The following GPAT2 variants were observed in gnomAD, a reference collection of about 807,000 sequenced individuals.
GPAT2 encodes glycerol-3-phosphate acyltransferase 2, mitochondrial, also known as 1-acylglycerol-3-phosphate O-acyltransferase GPAT2.
GPAT2 carries 51 observed loss-of-function variants against 71.0 expected under a neutral mutation model. The ratio of observed to expected loss-of-function variants is 0.72; its 90% CI spans 0.57 to 0.91. The LOEUF is 0.91. GPAT2 is among the 40% of genes least tolerant of loss of function. The pLI is 0.00. For missense variants in GPAT2, 511 were observed against 666.0 expected, an observed-to-expected ratio of 0.77 and a Z score of 2.56; for synonymous variants, 222 against 290.3, an observed-to-expected ratio of 0.76 and a Z score of 2.39.
At position 96,025,503 on chromosome 2, in the gene GPAT2, T is replaced by C. The variant is rs1369668934; in HGVS notation, c.1339A>G (p.Ser447Gly). ...EEDQLLVRRL[S>G]CHVLSASVGS... ...CCCTCACCACTCAGGACATGACAGCTCAGTCTCCTGACCAGGAGCTGGTCC... is the reference window on the plus strand; with the variant it reads ...CCCTCACCACTCAGGACATGACAGCCCAGTCTCCTGACCAGGAGCTGGTCC... The change falls in exon 13 of 22, where the codon AGC becomes GGC. Residue 447 changes from serine (S) to glycine (G), a missense_variant. Around this residue, in one of 7 missense-constraint regions of GPAT2, gnomAD observed 4 missense variants for 19.1 expected, o/e 0.21. Coordinates refer to ENST00000434632, the MANE Select transcript of GPAT2 (RefSeq NM_001321527.2). The C allele has an allele frequency of 1.9e-6, 3 of 1,574,330 alleles. No individual in the cohort carries two copies. Among genetic ancestry groups the C allele is most frequent in the Non-Finnish European group, 2.6e-6 (3 of 1,160,096 alleles).
chr2:96,024,906 T>A (rs1680223968), intron 13 of GPAT2, 63 bp from the exon 14 acceptor site: 5 of 1,579,336 alleles, frequency 3.2e-6, no homozygotes, highest in Non-Finnish European at 4.3e-6. Flanking sequence ...GGTCCCTCCA[T>A]GATCTAGCAA....
intron 1 of GPAT2, among the ~76,000 whole-genome samples, chr2:96,034,025 TATACATATATA>T (rs1421670801): frequency 1.3e-5 from 2 of 151,572 alleles, no homozygotes; most frequent in African/African-American, 2.4e-5. Flanking sequence ...CACACACATA[TATACATATATA>T]ATACATATAT....
At chr2:96,025,004 G>C (rs895325575) in intron 13 of GPAT2, 161 bp from the exon 14 acceptor site, 2 of 815,446 alleles carry the variant, frequency 2.5e-6, no homozygotes, top group African/African-American at 1.7e-5. Context: ...CAGGCTGAGA[G>C]CAGGCCAGGA....
At position 96,024,247 on chromosome 2, in the gene GPAT2, A is replaced by G; in HGVS notation, c.1778T>C (p.Leu593Pro). ...CATCAGCAGCAGGATCTGGCGGTACAGCTCATTCTGGCTCAGCAGCAATAT... is the reference window on the plus strand; with the variant it reads ...CATCAGCAGCAGGATCTGGCGGTACGGCTCATTCTGGCTCAGCAGCAATAT... Reference protein sequence around the residue: ...QGILLLSQNELYRQILLLMHL... With the variant: ...QGILLLSQNEPYRQILLLMHL... Residue 593 changes from leucine to proline, a missense_variant, in exon 16 of 22, where the codon CTG becomes CCG. This residue lies in a region of GPAT2 where 295 missense variants were observed against 305.5 expected (regional missense o/e 0.97). Transcript: ENST00000434632. 6.4e-7 allele frequency: 1 copy of G among 1,554,028 alleles called. No homozygotes were observed. Among genetic ancestry groups the G allele is most frequent in the Non-Finnish European group, 8.7e-7 (1 of 1,146,634 alleles).
chr2:96,022,108 C>T lies in GPAT2; in HGVS notation c.*51G>A, dbSNP rs376642852. The T allele has an allele frequency of 1.1e-4, 173 of 1,594,740 alleles. No individual in the cohort carries two copies. The African/African-American group carries it at 1.9e-3, about 18-fold the overall frequency. On this transcript the variant is annotated 3_prime_UTR_variant, in exon 22 of 22. Transcript: ENST00000434632. Reference sequence around the variant, plus strand: ...CTCTCCATCTTCTGGCTCTAGGACACAGCTGTGTTCTGGGGCTGAGAAGTC... The same window carrying T: ...CTCTCCATCTTCTGGCTCTAGGACATAGCTGTGTTCTGGGGCTGAGAAGTC...
In GPAT2 at chr2:96,025,326, T is replaced by A; in HGVS notation, c.1357+159A>T. 4 of 1,003,734 alleles carry A rather than the reference T, an allele frequency of 4.0e-6. No homozygotes were observed. In the South Asian group the frequency reaches 7.7e-5, roughly 19 times the overall value. The allele number at this position is 1,003,734 out of a possible 1,614,324, so 62.2% of individuals were successfully genotyped here. A position where few individuals can be genotyped will look rare whatever the true frequency, so the allele number is the denominator to read the frequency against. ...GATGGCCCTGGCTGCCTGCTCCTCC[T>A]GTAGGAGAAGGGTTCCATTCTTCTT... On this transcript the variant is annotated intron_variant, in intron 13 of 21. Coordinates refer to ENST00000434632, the MANE Select transcript of GPAT2 (RefSeq NM_001321527.2).
chr2:96,034,054 TAC>T (rs1292120936), intron 1 of GPAT2, among the ~76,000 whole-genome samples: 19 of 150,916 alleles, frequency 1.3e-4, no homozygotes, highest in African/African-American at 3.1e-4. Flanking sequence ...TATACATATA[TAC>T]ACACACATAT....
At position 96,022,378 on chromosome 2, in the gene GPAT2, G is replaced by A. The variant is rs1240826316; in HGVS notation, c.2290-103C>T. 9 of 1,353,210 alleles carry A rather than the reference G, an allele frequency of 6.7e-6. No homozygotes were observed. The African/African-American group carries it at 1.2e-4, about 18-fold the overall frequency. 83.8% of individuals were successfully genotyped at this position (1,353,210 alleles called of 1,614,324 possible). On this transcript the variant is annotated intron_variant, in intron 21 of 21. Transcript: ENST00000434632. ...CCCAGAAACCTGCCTTGAGACCTCTGGCCCCTTAGACCTCAATGTTTGCGT... is the reference window on the plus strand; with the variant it reads ...CCCAGAAACCTGCCTTGAGACCTCTAGCCCCTTAGACCTCAATGTTTGCGT...
chr2:96,024,345 C>A lies in GPAT2; in HGVS notation c.1688-8G>T, dbSNP rs530415286. The A allele has an allele frequency of 1.1e-5, 18 of 1,594,532 alleles. No homozygotes were observed. Among genetic ancestry groups the A allele is most frequent in the Non-Finnish European group, 1.5e-5 (18 of 1,167,634 alleles). On this transcript the variant is annotated splice_region_variant and splice_polypyrimidine_tract_variant and intron_variant, in intron 15 of 21. Transcript: ENST00000434632. ...GCCCCCGCACTGCACAGGCTGGGGG[C>A]GGAGGGTCCATTATGAAGAAGGAGC...
At chr2:96,034,280 G>GCCACT (rs1490993138) in intron 1 of GPAT2, among the ~76,000 whole-genome samples, 4 of 95,076 alleles carry the variant, frequency 4.2e-5, no homozygotes, top group Admixed American at 1.2e-4. Flanking sequence ...TCAGCTGGCC[G>GCCACT]CCACTGTCCC....
Position 96,022,240 on chromosome 2 carries a change from C to T in GPAT2, c.2325G>A (p.Arg775=), listed in dbSNP as rs770128869. The T allele has an allele frequency of 8.7e-6, 14 of 1,607,674 alleles. No individual in the cohort carries two copies. Among genetic ancestry groups the T allele is most frequent in the Non-Finnish European group, 1.2e-5 (14 of 1,177,400 alleles). The change falls in exon 22 of 22, where the codon AGG becomes AGA. Residue 775 remains arginine, a synonymous_variant. Transcript: ENST00000434632. ...TGGCAAAAGTAGGGGACAGGTGGAG[C>T]CTGGGGCCTGCAGGGCTCGGCGTCT... ...LQQTPSPAGP[R]LHLSPTFASL...
At position 96,024,520 on chromosome 2, in the gene GPAT2, AG is replaced by A. The variant is rs1306902038; in HGVS notation, c.1593del (p.Leu532CysfsTer17). The A allele has an allele frequency of 1.2e-6, 2 of 1,613,816 alleles. No homozygotes were observed. Among genetic ancestry groups the A allele is most frequent in the Non-Finnish European group, 1.7e-6 (2 of 1,179,968 alleles). On this transcript the variant is annotated frameshift_variant, in exon 15 of 22. Coordinates refer to ENST00000434632, the MANE Select transcript of GPAT2 (RefSeq NM_001321527.2). LOFTEE classifies it high-confidence loss of function. ...GGGCCAGGCTGCGGCACCACCAGCAAGTCACCCTGACGGATGCGCAGCAGGG... is the reference window on the plus strand; with the variant it reads ...GGGCCAGGCTGCGGCACCACCAGCAATCACCCTGACGGATGCGCAGCAGGG... Reference protein sequence around the residue: ...HVALLRIRQGDLLVVPQPGPG... With the variant: ...HVALLRIRQGXLLVVPQPGPG...
intron 1 of GPAT2, among the ~76,000 whole-genome samples, chr2:96,034,029 C>T (rs1680860620): frequency 6.6e-6 from 1 of 151,474 alleles, no homozygotes; most frequent in South Asian, 2.1e-4. Context: ...CACATATATA[C>T]ATATATAATA....
chr2:96,023,498 C>T, intron 17 of GPAT2, 58 bp from the exon 18 acceptor site: 21 of 1,581,938 alleles, frequency 1.3e-5, no homozygotes, highest in Non-Finnish European at 1.7e-5. Context: ...ACCCTACACC[C>T]CCAGACCAGG....
intron 16 of GPAT2, 88 bp from the exon 17 acceptor site, chr2:96,024,088 T>C (rs2918921): frequency 3.8e-6 from 6 of 1,592,496 alleles, no homozygotes; most frequent in East Asian, 4.5e-5. Context: ...CCACACCTAC[T>C]ACCCAGGAGG....
intron 14 of GPAT2, 35 bp downstream of exon 14, chr2:96,024,738 C>G (rs760355292): frequency 6.2e-7 from 1 of 1,613,844 alleles, no homozygotes; most frequent in Admixed American, 1.7e-5. Context: ...CCACCCCCCC[C>G]ACCGCCCAGG....
chr2:96,025,246 C>G (rs1401630311), intron 13 of GPAT2: 1 of 582,452 alleles, frequency 1.7e-6, no homozygotes, highest in East Asian at 2.9e-5. Flanking sequence ...GAAGCAGCTG[C>G]AGCCTCCTGG....
At chr2:96,024,149 G>A in intron 16 of GPAT2, 40 bp downstream of exon 16, 3 of 1,497,872 alleles carry the variant, frequency 2.0e-6, no homozygotes, top group Non-Finnish European at 8.9e-7. Flanking sequence ...CACCAAGAGG[G>A]GAAGGCCTAG....
At chr2:96,022,365 C>A in intron 21 of GPAT2, 90 bp from the exon 22 acceptor site, 3 of 1,415,986 alleles carry the variant, frequency 2.1e-6, no homozygotes, top group Non-Finnish European at 2.8e-6. Context: ...CAGAAACCTG[C>A]CTTGAGACCT....
Sources: gnomAD v4.1 joint callset for allele counts (sites outside exome capture counted in the v4.1 genomes callset) on GRCh38, gnomAD v4.1.1 for gene constraint, gnomAD v4.1.1 regional missense constraint, MANE v1.5 for transcripts, NCBI Gene and HGNC (gene_info 2026-07-23, HGNC 2026-07-21) for gene names.